STARD13: variants seen among roughly 807,000 people sequenced by gnomAD.
The protein encoded by STARD13 is StAR related lipid transfer domain containing 13, also known as stAR-related lipid transfer protein 13.
STARD13 carries 62 observed loss-of-function variants against 106.4 expected under a neutral mutation model. That is an observed-to-expected ratio of 0.58 (90% CI 0.48 to 0.72). The LOEUF is 0.72. STARD13 is among the 30% of genes least tolerant of loss of function. STARD13 has a pLI of 0.00. For missense variants in STARD13, 1,387 were observed against 1,424.0 expected, an observed-to-expected ratio of 0.97 and a Z score of 0.42; for synonymous variants, 565 against 553.0, an observed-to-expected ratio of 1.02 and a Z score of -0.31.
At chr13:33,389,634 ATTC>A in the STARD13 span, among the ~76,000 whole-genome samples, 6 of 152,210 alleles carry the variant, frequency 3.9e-5, no homozygotes, top group East Asian at 1.9e-4. Context: ...GAAATTAATT[ATTC>A]TTATAGTCAC....
chr13:33,363,075 C>T, the STARD13 span, among the ~76,000 whole-genome samples: 2 of 152,236 alleles, frequency 1.3e-5, no homozygotes, highest in Non-Finnish European at 2.9e-5. Flanking sequence ...CCCAGGGACA[C>T]ACGCTGGGCC....
At chr13:33,180,357 T>C (rs1239052426) in intron 1 of STARD13, 2 of 152,326 alleles carry the variant, frequency 1.3e-5, no homozygotes, top group African/African-American at 4.8e-5. Flanking sequence ...AGTAAAATAT[T>C]AGCAATCACA....
chr13:33,457,822 C>T, the STARD13 span, among the ~76,000 whole-genome samples: 1 of 152,180 alleles, frequency 6.6e-6, no homozygotes, highest in African/African-American at 2.4e-5. Context: ...AAAGCCCCCA[C>T]CTCCTAATAC....
the STARD13 span, among the ~76,000 whole-genome samples, chr13:33,631,635 T>C: frequency 1.3e-5 from 2 of 152,196 alleles, no homozygotes; most frequent in Non-Finnish European, 2.9e-5. Flanking sequence ...TGTTTGTTTA[T>C]TTTAATCAAA....
the STARD13 span, among the ~76,000 whole-genome samples, chr13:33,466,291 T>C: frequency 5.3e-5 from 8 of 152,248 alleles, no homozygotes; most frequent in Non-Finnish European, 8.8e-5. Context: ...GACGGGACTC[T>C]AACTCTCCAG....
At chr13:33,177,639 C>G (rs1416963329) in intron 1 of STARD13, among the ~76,000 whole-genome samples, 4 of 147,156 alleles carry the variant, frequency 2.7e-5, no homozygotes, top group Non-Finnish European at 6.0e-5. Flanking sequence ...ATTTGAAAAT[C>G]AAATAAATGA....
At chr13:33,174,341 G>T (rs957046964) in intron 1 of STARD13, among the ~76,000 whole-genome samples, 1 of 151,352 alleles carries the variant, frequency 6.6e-6, no homozygotes, top group South Asian at 2.1e-4. Context: ...CCACAGTGAC[G>T]CCCTGCCCTT....
At chr13:33,461,285 A>G in the STARD13 span, among the ~76,000 whole-genome samples, 1 of 152,212 alleles carries the variant, frequency 6.6e-6, no homozygotes, top group African/African-American at 2.4e-5. Context: ...TTTTACGTTA[A>G]ACACAACAAA....
At chr13:33,207,386 G>T (rs535419824) in intron 1 of STARD13, among the ~76,000 whole-genome samples, 1 of 152,314 alleles carries the variant, frequency 6.6e-6, no homozygotes, top group East Asian at 1.9e-4. Context: ...ACTGGAGTCT[G>T]TCAAATAAGA....
At chr13:33,341,991 A>G (rs984205228) in intron 1 of STARD13, among the ~76,000 whole-genome samples, 2 of 152,092 alleles carry the variant, frequency 1.3e-5, no homozygotes, top group Non-Finnish European at 2.9e-5. Context: ...AGGTTTCACC[A>G]TGTTGGCCAG....
intron 1 of STARD13, among the ~76,000 whole-genome samples, chr13:33,187,682 T>G (rs924445318): frequency 1.3e-5 from 2 of 151,940 alleles, no homozygotes; most frequent in African/African-American, 4.8e-5. Flanking sequence ...AGAAAAAAAT[T>G]TATTTATTTA....
At position 33,127,561 on chromosome 13, in the gene STARD13, C is replaced by A. The variant is rs753627811; in HGVS notation, c.1749-15G>T. 3.9e-6 allele frequency: 6 copies of A among 1,522,014 alleles called. No homozygotes were observed. The highest frequency in any genetic ancestry group is 2.8e-5 in the African/African-American group (2 of 72,124). The allele number at this position is 1,522,014 out of a possible 1,614,324, so 94.3% of individuals were successfully genotyped here. A position where few individuals can be genotyped will look rare whatever the true frequency, so the allele number is the denominator to read the frequency against. ...ATCGGAGTCGCCTTTACCAGAGAGA[C>A]CATCAGAGAAGCCAGTCACAAAGTG... On this transcript the variant is annotated splice_polypyrimidine_tract_variant and intron_variant, in intron 5 of 13. Transcript: ENST00000336934.
At chr13:33,197,966 C>T (rs1369350204) in intron 1 of STARD13, among the ~76,000 whole-genome samples, 13 of 152,194 alleles carry the variant, frequency 8.5e-5, no homozygotes, top group Admixed American at 7.9e-4. Context: ...GTCAGGAGAT[C>T]AAGACCACAC....
the STARD13 span, among the ~76,000 whole-genome samples, chr13:33,602,092 C>CTTTTTTTT: frequency 1.5e-5 from 2 of 136,516 alleles, no homozygotes; most frequent in African/African-American, 5.5e-5. Flanking sequence ...TCTAGTAATT[C>CTTTTTTTT]TTTTTTTTTT....
the STARD13 span, among the ~76,000 whole-genome samples, chr13:33,562,924 G>A: frequency 6.8e-6 from 1 of 146,658 alleles, no homozygotes; most frequent in Non-Finnish European, 1.5e-5. Flanking sequence ...ATCTAAGAAT[G>A]AATGTAGTAA....
intron 1 of STARD13, among the ~76,000 whole-genome samples, chr13:33,242,272 C>T (rs925810679): frequency 5.3e-5 from 8 of 152,104 alleles, no homozygotes; most frequent in East Asian, 3.9e-4. Context: ...TCATTGACAA[C>T]GGGCCATGAT....
chr13:33,498,223 T>G, the STARD13 span, among the ~76,000 whole-genome samples: 1 of 152,184 alleles, frequency 6.6e-6, no homozygotes. Context: ...GCATGACAAC[T>G]GATAACCTTC....
the STARD13 span, among the ~76,000 whole-genome samples, chr13:33,365,800 C>T: frequency 6.6e-6 from 1 of 152,190 alleles, no homozygotes; most frequent in Non-Finnish European, 1.5e-5. Context: ...CTCAGCATGG[C>T]TTTCTTGGTA....
the STARD13 span, among the ~76,000 whole-genome samples, chr13:33,405,363 C>G: frequency 3.3e-5 from 5 of 152,228 alleles, no homozygotes; most frequent in Non-Finnish European, 7.3e-5. Context: ...TGTAGCCCCT[C>G]GTAGCCCCTC....
Sources: gnomAD v4.1 joint callset for allele counts (sites outside exome capture counted in the v4.1 genomes callset) on GRCh38, gnomAD v4.1.1 for gene constraint, MANE v1.5 for transcripts, NCBI Gene and HGNC (gene_info 2026-07-23, HGNC 2026-07-21) for gene names.